Variants in LMX1A observed in about 807,000 individuals in gnomAD.
LMX1A encodes the protein LIM homeobox transcription factor 1-alpha.
In LMX1A, 15 loss-of-function variants were observed where a neutral mutation model predicts 49.1. The ratio of observed to expected loss-of-function variants is 0.31; its 90% CI spans 0.20 to 0.47. The LOEUF is 0.47. LMX1A is among the 20% of genes least tolerant of loss of function. LMX1A has a pLI of 1.00. For missense variants in LMX1A, 372 were observed against 475.8 expected, an observed-to-expected ratio of 0.78 and a Z score of 2.03; for synonymous variants, 167 against 185.7, an observed-to-expected ratio of 0.90 and a Z score of 0.82.
At chr1:165,347,410 C>A (rs1656283896) in intron 3 of LMX1A, among the ~76,000 whole-genome samples, 1 of 152,234 alleles carries the variant, frequency 6.6e-6, no homozygotes, top group Non-Finnish European at 1.5e-5. Flanking sequence ...AGTCCTCCCA[C>A]ATAGGAGCCT....
chr1:165,345,904 A>G (rs888102216), intron 3 of LMX1A, among the ~76,000 whole-genome samples: 1 of 152,222 alleles, frequency 6.6e-6, no homozygotes, highest in Non-Finnish European at 1.5e-5. Context: ...TCAAAAGAGC[A>G]CTAACAGTCC....
At chr1:165,236,463 A>G (rs200961929) in intron 4 of LMX1A, among the ~76,000 whole-genome samples, 2 of 152,068 alleles carry the variant, frequency 1.3e-5, no homozygotes, top group East Asian at 3.9e-4. Flanking sequence ...AATACAGGGC[A>G]CATCATTAAA....
At chr1:165,209,204 T>C (rs1263844154) in intron 6 of LMX1A, among the ~76,000 whole-genome samples, 1 of 152,218 alleles carries the variant, frequency 6.6e-6, no homozygotes, top group Non-Finnish European at 1.5e-5. Flanking sequence ...TCAACAGCCC[T>C]GTTCTGAGGA....
chr1:165,211,633 G>A lies in LMX1A; in HGVS notation c.670-857C>T, dbSNP rs1422208248. ...TTGAGAAATACTTCCCCTTTATCATGCCACTTGGGGAAAGGCTTAGAAGTG... is the reference window on the plus strand; with the variant it reads ...TTGAGAAATACTTCCCCTTTATCATACCACTTGGGGAAAGGCTTAGAAGTG... On this transcript the variant is annotated intron_variant, in intron 5 of 8. Coordinates refer to ENST00000342310, the MANE Select transcript of LMX1A (RefSeq NM_177398.4). 3.3e-5 allele frequency among the ~76,000 whole-genome samples: 5 copies of A among 152,296 alleles called. No homozygotes were observed. The East Asian group carries it at 9.6e-4, about 29-fold the overall frequency.
At chr1:165,209,873 G>A (rs1651293905) in intron 6 of LMX1A, among the ~76,000 whole-genome samples, 1 of 152,198 alleles carries the variant, frequency 6.6e-6, no homozygotes, top group Admixed American at 6.5e-5. Context: ...CTTGCAATTG[G>A]CATTTGAAGA....
intron 3 of LMX1A, among the ~76,000 whole-genome samples, chr1:165,272,591 A>C (rs1417117374): frequency 2.6e-5 from 4 of 152,120 alleles, no homozygotes; most frequent in African/African-American, 9.7e-5. Flanking sequence ...ATTTGGGAGG[A>C]CCAGGGCTGT....
chr1:165,268,746 G>C (rs1348895582), intron 3 of LMX1A, among the ~76,000 whole-genome samples: 1 of 152,226 alleles, frequency 6.6e-6, no homozygotes, highest in Non-Finnish European at 1.5e-5. Context: ...TGACACCCAT[G>C]CACCAGTCAT....
chr1:165,356,253 A>C (rs1366157048), intron 1 of LMX1A, 102 bp downstream of exon 1: 1 of 152,130 alleles, frequency 6.6e-6, no homozygotes, highest in African/African-American at 2.4e-5. Context: ...CGCCTCGGGG[A>C]GGAGCCCCGG....
intron 4 of LMX1A, among the ~76,000 whole-genome samples, chr1:165,246,314 G>A (rs1408887204): frequency 1.3e-5 from 2 of 152,168 alleles, no homozygotes; most frequent in Non-Finnish European, 2.9e-5. Flanking sequence ...AAGACAGGCA[G>A]CATTGATATA....
chr1:165,244,333 A>T (rs1000684265), intron 4 of LMX1A, among the ~76,000 whole-genome samples: 1 of 152,222 alleles, frequency 6.6e-6, no homozygotes, highest in African/African-American at 2.4e-5. Context: ...CAACCTGAAG[A>T]TGAGGTCCTA....
At chr1:165,341,514 T>C (rs576090657) in intron 3 of LMX1A, among the ~76,000 whole-genome samples, 40 of 152,210 alleles carry the variant, frequency 2.6e-4, no homozygotes, top group South Asian at 1.9e-3. Context: ...GTAGGGATTA[T>C]AAAACAAAAC....
At chr1:165,289,918 C>A (rs192811026) in intron 3 of LMX1A, among the ~76,000 whole-genome samples, 1 of 152,190 alleles carries the variant, frequency 6.6e-6, no homozygotes, top group Non-Finnish European at 1.5e-5. Context: ...AGTTTTCAAT[C>A]CTGGCTGGTG....
chr1:165,286,755 C>A (rs572766023), intron 3 of LMX1A, among the ~76,000 whole-genome samples: 2 of 146,248 alleles, frequency 1.4e-5, no homozygotes, highest in Admixed American at 1.4e-4. Flanking sequence ...TATGTTTGAC[C>A]AGGATTCAAA....
chr1:165,249,567 T>C lies in LMX1A; in HGVS notation c.337A>G (p.Ser113Gly), dbSNP rs759512728. ...CAGAAGCAGCTCAGGTGGTATACAC[T>C]CTTCTGGGCCCGCATAACAAACTCA... ...PNEFVMRAQK[S>G]VYHLSCFCCC... Residue 113 changes from serine (S) to glycine (G), a missense_variant, in exon 4 of 9, where the codon AGT (serine) becomes GGT (glycine). Coordinates refer to ENST00000342310, the MANE Select transcript of LMX1A (RefSeq NM_177398.4). 1.1e-5 allele frequency: 18 copies of C among 1,613,950 alleles called. No individual in the cohort carries two copies. The highest frequency in any genetic ancestry group is 1.4e-5 in the Non-Finnish European group (16 of 1,180,022).
intron 3 of LMX1A, among the ~76,000 whole-genome samples, chr1:165,314,488 T>C (rs1328150542): frequency 2.0e-5 from 3 of 152,196 alleles, no homozygotes; most frequent in East Asian, 3.9e-4. Context: ...TCAGTCCCCT[T>C]TCTAGCTGGT....
chr1:165,214,613 A>G (rs967424278), intron 4 of LMX1A, among the ~76,000 whole-genome samples: 4 of 152,218 alleles, frequency 2.6e-5, no homozygotes, highest in Non-Finnish European at 4.4e-5. Context: ...ATTATTTCTT[A>G]GATGTCATTT....
intron 3 of LMX1A, among the ~76,000 whole-genome samples, chr1:165,267,067 C>T (rs1332825743): frequency 6.6e-6 from 1 of 152,056 alleles, no homozygotes; most frequent in Admixed American, 6.5e-5. Context: ...AGTACATTCA[C>T]AATGTAGTAC....
chr1:165,203,833 A>G lies in LMX1A; in HGVS notation c.*47T>C, dbSNP rs150977107. 434 of 1,594,920 alleles carry G rather than the reference A, an allele frequency of 2.7e-4. 3 individuals carry two copies. The African/African-American group carries it at 4.2e-3, about 15-fold the overall frequency. On this transcript the variant is annotated 3_prime_UTR_variant, in exon 9 of 9. Coordinates refer to ENST00000342310, the MANE Select transcript of LMX1A (RefSeq NM_177398.4). ...TAAAGCCAGTGACCCCTCAAAGAAT[A>G]TGGTTGTTCCATATGGGAGCCTAGT...
At chr1:165,283,449 A>T (rs71628373) in intron 3 of LMX1A, among the ~76,000 whole-genome samples, 20,017 of 152,146 alleles carry the variant, frequency 0.13, 1,749 homozygotes, top group Non-Finnish European at 0.2. Flanking sequence ...TTACTGGTCA[A>T]ATGTCCTGCC....
Sources: allele counts gnomAD v4.1 joint callset (sites outside exome capture counted in the v4.1 genomes callset), GRCh38; gene constraint gnomAD v4.1.1; transcripts MANE v1.5; gene names NCBI Gene and HGNC (gene_info 2026-07-23, HGNC 2026-07-21).